CPED1: variants seen among roughly 807,000 people sequenced by gnomAD.
The protein encoded by CPED1 is cadherin like and PC-esterase domain containing 1, also known as cadherin-like and PC-esterase domain-containing protein 1.
A neutral mutation model predicts 128.2 loss-of-function variants in CPED1; 114 were observed. That is an observed-to-expected ratio of 0.89 (90% CI 0.76 to 1.04). CPED1 has a LOEUF of 1.04. CPED1 is among the 50% of genes least tolerant of loss of function. The probability of loss-of-function intolerance (pLI) is 0.00; values close to 1 mark genes in which losing one functional copy is unlikely to be tolerated. For missense variants in CPED1, 1,211 were observed against 1,207.1 expected, an observed-to-expected ratio of 1.00 and a Z score of -0.05; for synonymous variants, 462 against 426.7, an observed-to-expected ratio of 1.08 and a Z score of -1.02.
chr7:121,013,169 A>G (rs1334399592), intron 2 of CPED1, among the ~76,000 whole-genome samples: 1 of 152,056 alleles, frequency 6.6e-6, no homozygotes, highest in Admixed American at 6.6e-5. Flanking sequence ...TCTACAGGCT[A>G]CTCAGTTCCC....
intron 18 of CPED1, among the ~76,000 whole-genome samples, chr7:121,245,488 G>A (rs553970430): frequency 4.6e-5 from 7 of 152,234 alleles, no homozygotes; most frequent in Admixed American, 1.3e-4. Context: ...TTAATCCACC[G>A]CCATAATCTC....
At chr7:121,011,062 C>T (rs908262958) in intron 2 of CPED1, among the ~76,000 whole-genome samples, 22 of 151,872 alleles carry the variant, frequency 1.4e-4, no homozygotes. Context: ...TCTAAAATGC[C>T]AAAATCTGGA....
intron 17 of CPED1, among the ~76,000 whole-genome samples, chr7:121,237,629 G>A (rs544214496): frequency 3.6e-4 from 55 of 152,216 alleles, no homozygotes; most frequent in Non-Finnish European, 6.8e-4. Context: ...CTTCAAAGCC[G>A]TTAGAGGAAC....
At chr7:121,100,510 A>T (rs182632841) in intron 7 of CPED1, among the ~76,000 whole-genome samples, 88 of 152,304 alleles carry the variant, frequency 5.8e-4, no homozygotes, top group Admixed American at 1.6e-3. Flanking sequence ...ACACCAGTCA[A>T]TATGGAATAT....
At chr7:121,203,485 C>T (rs1797448061) in intron 16 of CPED1, among the ~76,000 whole-genome samples, 1 of 152,138 alleles carries the variant, frequency 6.6e-6, no homozygotes, top group Admixed American at 6.6e-5. Context: ...GACCCGTCAG[C>T]ATGGCTTCCA....
At chr7:121,065,074 T>G (rs557394481) in intron 5 of CPED1, among the ~76,000 whole-genome samples, 1 of 152,298 alleles carries the variant, frequency 6.6e-6, no homozygotes, top group East Asian at 1.9e-4. Flanking sequence ...ACTAGTTAAT[T>G]TGTCTCCTAG....
chr7:121,095,932 G>T (rs1240361809), intron 5 of CPED1, among the ~76,000 whole-genome samples: 1 of 152,084 alleles, frequency 6.6e-6, no homozygotes, highest in Non-Finnish European at 1.5e-5. Flanking sequence ...CTATACAAAA[G>T]AAGCCTCCAA....
chr7:121,161,832 A>T (rs1796418661), intron 16 of CPED1, among the ~76,000 whole-genome samples: 4 of 152,222 alleles, frequency 2.6e-5, no homozygotes, highest in African/African-American at 9.6e-5. Flanking sequence ...CAGATCCATT[A>T]AGAAAGGGGG....
intron 2 of CPED1, chr7:120,994,094 C>T (rs2116733780): frequency 6.4e-6 from 1 of 156,370 alleles, no homozygotes; most frequent in East Asian, 1.9e-4. Flanking sequence ...GAGTAATGCC[C>T]ACTAGAAAGG....
At chr7:121,040,897 GT>G (rs1197403985) in intron 3 of CPED1, among the ~76,000 whole-genome samples, 2 of 151,700 alleles carry the variant, frequency 1.3e-5, no homozygotes, top group African/African-American at 2.4e-5. Flanking sequence ...TCTTGGACAT[GT>G]TTTTTTCCAA....
At chr7:121,150,759 AT>A (rs1563046583) in intron 16 of CPED1, among the ~76,000 whole-genome samples, 317 of 106,544 alleles carry the variant, frequency 3.0e-3, no homozygotes, top group East Asian at 5.7e-3. Context: ...AAACATTATT[AT>A]TATTATTATT....
At chr7:121,085,051 C>T (rs1004832459) in intron 5 of CPED1, among the ~76,000 whole-genome samples, 3 of 127,838 alleles carry the variant, frequency 2.3e-5, no homozygotes, top group Non-Finnish European at 5.1e-5. Context: ...AAGTACAATC[C>T]TCTCATACTT....
intron 7 of CPED1, among the ~76,000 whole-genome samples, chr7:121,108,311 C>G (rs1795027740): frequency 6.6e-6 from 1 of 152,068 alleles, no homozygotes. Context: ...TAATTCCTCA[C>G]TACAATTTAA....
intron 3 of CPED1, among the ~76,000 whole-genome samples, chr7:121,044,648 CTCTTTTT>C (rs1262579389): frequency 2.2e-4 from 15 of 69,532 alleles, no homozygotes; most frequent in African/African-American, 7.6e-4. Flanking sequence ...TGACTTTCTG[CTCTTTTT>C]TTTTTTTTTT....
intron 18 of CPED1, among the ~76,000 whole-genome samples, chr7:121,263,846 A>C (rs1354176407): frequency 1.3e-5 from 2 of 152,012 alleles, no homozygotes; most frequent in African/African-American, 2.4e-5. Context: ...TACAAGAAAA[A>C]CCCACACTGG....
chr7:121,258,206 C>T (rs1437824879), intron 18 of CPED1, among the ~76,000 whole-genome samples: 1 of 152,070 alleles, frequency 6.6e-6, no homozygotes, highest in Non-Finnish European at 1.5e-5. Flanking sequence ...AAAAAGTTAA[C>T]TTCTGAATAC....
At chr7:121,063,906 A>G (rs1009071914) in intron 4 of CPED1, among the ~76,000 whole-genome samples, 2 of 152,308 alleles carry the variant, frequency 1.3e-5, no homozygotes, top group South Asian at 2.1e-4. Flanking sequence ...AATTGCCACT[A>G]AATATCAAGT....
chr7:121,104,555 C>T (rs1009735375), intron 7 of CPED1, among the ~76,000 whole-genome samples: 7 of 152,050 alleles, frequency 4.6e-5, no homozygotes, highest in Non-Finnish European at 8.8e-5. Context: ...GAAAATGTAT[C>T]GCTGAAGAGA....
At chr7:121,152,691 GT>G (rs1796186310) in intron 16 of CPED1, among the ~76,000 whole-genome samples, 1 of 152,172 alleles carries the variant, frequency 6.6e-6, no homozygotes, top group Non-Finnish European at 1.5e-5. Context: ...AATAAAATAT[GT>G]CTTCAGATTG....
Sources: allele counts gnomAD v4.1 joint callset (sites outside exome capture counted in the v4.1 genomes callset), GRCh38; gene constraint gnomAD v4.1.1; transcripts MANE v1.5; gene names NCBI Gene and HGNC (gene_info 2026-07-23, HGNC 2026-07-21).